EFHC1: variants seen among roughly 807,000 people sequenced by gnomAD.
EFHC1 encodes the protein EF-hand domain-containing protein 1.
A neutral mutation model predicts 69.9 loss-of-function variants in EFHC1; 53 were observed. The observed-to-expected ratio is 0.76, with a 90% CI of 0.61 to 0.95. EFHC1 has a LOEUF of 0.95. Ranked by LOEUF, EFHC1 falls within the 40% of genes least tolerant of loss-of-function variation. EFHC1 has a pLI of 0.00. For missense variants in EFHC1, 739 were observed against 798.7 expected, an observed-to-expected ratio of 0.93 and a Z score of 0.90; for synonymous variants, 256 against 278.4, an observed-to-expected ratio of 0.92 and a Z score of 0.80.
intron 7 of EFHC1, among the ~76,000 whole-genome samples, chr6:52,474,039 A>T (rs1765493388): frequency 6.6e-6 from 1 of 152,066 alleles, no homozygotes; most frequent in South Asian, 2.1e-4. Flanking sequence ...ACATATTAGA[A>T]GGGCCAGGTG....
Position 52,494,364 on chromosome 6 carries a change from T to C in EFHC1, c.*2023T>C, listed in dbSNP as rs886061638. On this transcript the variant is annotated 3_prime_UTR_variant, in exon 11 of 11. Transcript: ENST00000371068. ...GAGTGTGTGTATACTGGGGTGATGA[T>C]AGTGGTTTCTTCTTACTCCCTTCTT... 4 of 453,998 alleles carry C rather than the reference T, an allele frequency of 8.8e-6. No individual in the cohort carries two copies. Among genetic ancestry groups the C allele is most frequent in the East Asian group, 6.9e-5 (1 of 14,414 alleles). 28.1% of individuals were successfully genotyped at this position (453,998 alleles called of 1,614,324 possible).
chr6:52,469,147 A>G, intron 6 of EFHC1, 186 bp from the exon 7 acceptor site: 1 of 695,292 alleles, frequency 1.4e-6, no homozygotes. Flanking sequence ...ATCAGTGAAC[A>G]TGATGCAAAA....
intron 9 of EFHC1, chr6:52,484,441 T>C (rs1256542790): frequency 6.6e-6 from 1 of 152,136 alleles, no homozygotes. Context: ...CAAAAAAAAT[T>C]TAGTGAGAAG....
chr6:52,459,458 A>G (rs1043555345), intron 5 of EFHC1, among the ~76,000 whole-genome samples: 2 of 152,248 alleles, frequency 1.3e-5, no homozygotes, highest in Non-Finnish European at 2.9e-5. Context: ...ACACAAAAAT[A>G]TATTTGCCAT....
intron 7 of EFHC1, among the ~76,000 whole-genome samples, chr6:52,476,184 T>G (rs1765542295): frequency 6.6e-6 from 1 of 152,138 alleles, no homozygotes; most frequent in African/African-American, 2.4e-5. Flanking sequence ...AACAAGAAAG[T>G]ATAGATAACA....
intron 1 of EFHC1, among the ~76,000 whole-genome samples, chr6:52,421,605 C>T (rs565989326): frequency 6.6e-6 from 1 of 152,338 alleles, no homozygotes; most frequent in East Asian, 1.9e-4. Flanking sequence ...ACTTTAAACT[C>T]TTGCCTTCCT....
rs374410018 is a variant in EFHC1, at chr6:52,447,021, A to T, written c.574-5667A>T. Among the ~76,000 whole-genome samples, 33 of 152,226 alleles carry T rather than the reference A, an allele frequency of 2.2e-4. No individual in the cohort carries two copies. The East Asian group carries it at 5.8e-3, about 27-fold the overall frequency. On this transcript the variant is annotated intron_variant, in intron 3 of 10. Coordinates refer to ENST00000371068, the MANE Select transcript of EFHC1 (RefSeq NM_018100.4). The stretch of plus-strand genomic sequence containing the variant: ...TTTTTCCTTCATTTCAACTTTGGTG[A>T]ATCTGACAATTATGTGCCTTGGAGT...
chr6:52,490,395 C>T (rs746140363), intron 10 of EFHC1, 45 bp downstream of exon 10: 5 of 1,541,062 alleles, frequency 3.2e-6, no homozygotes, highest in Non-Finnish European at 9.0e-7. Flanking sequence ...AGGCTAGGCA[C>T]TGATCATTCT....
chr6:52,482,694 T>C, intron 9 of EFHC1: 1 of 397,460 alleles, frequency 2.5e-6, no homozygotes, highest in Admixed American at 4.4e-5. Flanking sequence ...GAAATATCTC[T>C]GAGAGTTCTT....
At position 52,493,082 on chromosome 6, in the gene EFHC1, A is replaced by G; in HGVS notation, c.*741A>G. 2.2e-6 allele frequency: 1 copy of G among 454,066 alleles called. No homozygotes were observed. The highest frequency in any genetic ancestry group is 1.6e-5 in the South Asian group (1 of 64,476). The allele number at this position is 454,066 out of a possible 1,614,324, so 28.1% of individuals were successfully genotyped here. On this transcript the variant is annotated 3_prime_UTR_variant, in exon 11 of 11. Coordinates refer to ENST00000371068, the MANE Select transcript of EFHC1 (RefSeq NM_018100.4). ...TAAAAAGGCTGACCTTTCCCCAGGT[A>G]AGAGAATTCCTCCTGCCTGACTGGC...
Position 52,493,386 on chromosome 6 carries a change from T to TATATATATATA in EFHC1, c.*1045_*1046insATATATATATA, listed in dbSNP as rs60720755. ...TCTACATATATATATATATATATAT[T>TATATATATATA]TTATATGTACACATTCATACACACA... On this transcript the variant is annotated 3_prime_UTR_variant, in exon 11 of 11. Coordinates refer to ENST00000371068, the MANE Select transcript of EFHC1 (RefSeq NM_018100.4). 0.013 allele frequency: 1,572 copies of TATATATATATA among 121,138 alleles called. 106 individuals are homozygous for TATATATATATA. Among genetic ancestry groups the TATATATATATA allele is most frequent in the African/African-American group, 0.033 (760 of 23,086 alleles). 7.5% of individuals were successfully genotyped at this position (121,138 alleles called of 1,614,324 possible). A position where few individuals can be genotyped will look rare whatever the true frequency, so the allele number is the denominator to read the frequency against.
chr6:52,494,988 C>T lies in EFHC1; in HGVS notation c.*2647C>T, dbSNP rs1318218558. 5 of 453,932 alleles carry T rather than the reference C, an allele frequency of 1.1e-5. No individual in the cohort carries two copies. Among genetic ancestry groups the T allele is most frequent in the African/African-American group, 2.0e-5 (1 of 49,968 alleles). The allele number at this position is 453,932 out of a possible 1,614,324, so 28.1% of individuals were successfully genotyped here. On this transcript the variant is annotated 3_prime_UTR_variant, in exon 11 of 11. Coordinates refer to ENST00000371068, the MANE Select transcript of EFHC1 (RefSeq NM_018100.4). ...ATTCCATGTCCTTTGCTCAGAGCCC[C>T]GTTTTGGTGAGTTCTTAGAACTCTT...
intron 3 of EFHC1, among the ~76,000 whole-genome samples, chr6:52,448,860 G>T (rs576640260): frequency 3.9e-5 from 6 of 152,218 alleles, no homozygotes; most frequent in Non-Finnish European, 7.3e-5. Context: ...TGCTGGAAAT[G>T]AAGCCTACTT....
At chr6:52,442,890 G>A (rs1764697189) in intron 3 of EFHC1, among the ~76,000 whole-genome samples, 2 of 152,174 alleles carry the variant, frequency 1.3e-5, no homozygotes, top group Admixed American at 6.6e-5. Context: ...CACAATGGTT[G>A]AATTAGTTTA....
chr6:52,423,867 T>C, intron 1 of EFHC1, 79 bp from the exon 2 acceptor site: 1 of 1,591,036 alleles, frequency 6.3e-7, no homozygotes, highest in South Asian at 1.1e-5. Context: ...ATTCAAGTTA[T>C]ATTTTTAAAA....
At chr6:52,450,828 TCA>T (rs1307597214) in intron 3 of EFHC1, among the ~76,000 whole-genome samples, 1 of 152,174 alleles carries the variant, frequency 6.6e-6, no homozygotes, top group Non-Finnish European at 1.5e-5. Context: ...AGACAGAATC[TCA>T]CTTTGTCACC....
chr6:52,481,837 G>C (rs1311482070), intron 9 of EFHC1: 6 of 152,158 alleles, frequency 3.9e-5, no homozygotes, highest in African/African-American at 1.4e-4. Flanking sequence ...AGGAGTTAAT[G>C]TAGCTAAAGA....
At chr6:52,465,808 C>G (rs978302540) in intron 6 of EFHC1, among the ~76,000 whole-genome samples, 16 of 148,072 alleles carry the variant, frequency 1.1e-4, no homozygotes, top group African/African-American at 3.4e-4. Flanking sequence ...GAAAGTCTGT[C>G]TCAAAAAAAT....
rs182195269 is a variant in EFHC1 at position 52,469,865 on chromosome 6, G to A, written c.1278+392G>A. Among the ~76,000 whole-genome samples the A allele has an allele frequency of 1.2e-3, 176 of 152,230 alleles. 1 individual carries two copies. Among genetic ancestry groups the A allele is most frequent in the African/African-American group, 3.6e-3 (151 of 41,532 alleles). ...GGGACCATGTCTTAGTAAGTTTTGC[G>A]TTTATCTGTGATATCTTGCCTGATA... On this transcript the variant is annotated intron_variant, in intron 7 of 10. Coordinates refer to ENST00000371068, the MANE Select transcript of EFHC1 (RefSeq NM_018100.4).
Sources: gnomAD v4.1 joint callset for allele counts (sites outside exome capture counted in the v4.1 genomes callset) on GRCh38, gnomAD v4.1.1 for gene constraint, MANE v1.5 for transcripts, NCBI Gene and HGNC (gene_info 2026-07-23, HGNC 2026-07-21) for gene names.